UVRAG: variants seen among roughly 807,000 people sequenced by gnomAD.
UVRAG encodes the protein UV radiation resistance-associated gene protein.
In UVRAG, 19 loss-of-function variants were observed where a neutral mutation model predicts 78.0. The observed-to-expected ratio is 0.24, with a 90% CI of 0.17 to 0.36. The LOEUF (loss-of-function observed/expected upper bound fraction) is 0.36. Among genes scored for constraint, UVRAG ranks in the 10% least tolerant of loss-of-function variants. The probability of loss-of-function intolerance (pLI) is 1.00; values close to 1 mark genes in which losing one functional copy is unlikely to be tolerated. For missense variants in UVRAG, 740 were observed against 853.8 expected, an observed-to-expected ratio of 0.87 and a Z score of 1.66; for synonymous variants, 323 against 324.6, an observed-to-expected ratio of 1.00 and a Z score of 0.05.
At chr11:75,957,154 G>A (rs7114160) in intron 6 of UVRAG, among the ~76,000 whole-genome samples, 18,574 of 151,878 alleles carry the variant, frequency 0.12, 2,419 homozygotes, top group African/African-American at 0.33. Context: ...CAAGTTTGCA[G>A]GAGATAGTCC....
intron 13 of UVRAG, 151 bp from the exon 14 acceptor site, chr11:76,115,773 A>G: frequency 4.6e-6 from 3 of 652,278 alleles, no homozygotes. Flanking sequence ...TCAAATACCC[A>G]GTAAGTGGAA....
intron 1 of UVRAG, chr11:75,837,596 T>G (rs994638940): frequency 6.6e-6 from 1 of 152,174 alleles, no homozygotes; most frequent in Non-Finnish European, 1.5e-5. Flanking sequence ...AAGAAATCTC[T>G]AACTGGTTCT....
chr11:76,068,305 C>T (rs1261304088), intron 13 of UVRAG, among the ~76,000 whole-genome samples: 1 of 152,148 alleles, frequency 6.6e-6, no homozygotes, highest in East Asian at 1.9e-4. Flanking sequence ...CCCAAGAGGC[C>T]TCTGACTTTA....
chr11:75,988,877 G>A (rs1018082405), intron 8 of UVRAG, among the ~76,000 whole-genome samples: 1 of 152,238 alleles, frequency 6.6e-6, no homozygotes. Context: ...TGAAATGTCT[G>A]TTTAGATCTT....
Position 75,839,850 on chromosome 11 carries a change from C to T in UVRAG, c.118-12033C>T, listed in dbSNP as rs186871493. ...GTATATATATATATACACACCCCCA[C>T]ACATATATATATAGAGAGAGAGAGA... On this transcript the variant is annotated intron_variant, in intron 1 of 14. Transcript: ENST00000356136. Among the ~76,000 whole-genome samples the T allele has an allele frequency of 5.1e-5, 7 of 136,666 alleles. No individual in the cohort carries two copies. In the East Asian group the frequency reaches 1.1e-3, roughly 21 times the overall value. 89.7% of individuals were successfully genotyped at this position (136,666 alleles called of 152,430 possible). A position where few individuals can be genotyped will look rare whatever the true frequency, so the allele number is the denominator to read the frequency against.
chr11:76,043,092 G>GCTTT (rs1258490355), intron 12 of UVRAG, among the ~76,000 whole-genome samples: 1 of 152,192 alleles, frequency 6.6e-6, no homozygotes, highest in African/African-American at 2.4e-5. Flanking sequence ...GGTAAACAAA[G>GCTTT]AAGGCTCACT....
At chr11:76,003,649 C>G (rs1949866009) in intron 8 of UVRAG, among the ~76,000 whole-genome samples, 1 of 151,980 alleles carries the variant, frequency 6.6e-6, no homozygotes, top group Non-Finnish European at 1.5e-5. Context: ...TAATGTTATT[C>G]CGTAGCATTT....
At chr11:75,822,656 A>C (rs1405381732) in intron 1 of UVRAG, among the ~76,000 whole-genome samples, 2 of 146,302 alleles carry the variant, frequency 1.4e-5, no homozygotes, top group Non-Finnish European at 3.0e-5. Flanking sequence ...CCTTGCTTGC[A>C]CTTACTGTTT....
intron 12 of UVRAG, among the ~76,000 whole-genome samples, chr11:76,032,839 G>A (rs555103427): frequency 1.3e-5 from 2 of 152,274 alleles, no homozygotes; most frequent in East Asian, 3.9e-4. Context: ...TTCTCACCTT[G>A]CCTCATAAGT....
rs1438880866 is a variant in UVRAG at position 76,142,358 on chromosome 11, AT to A, written c.*946del. 6.6e-5 allele frequency: 10 copies of A among 152,448 alleles called. No individual in the cohort carries two copies. The East Asian group carries it at 1.9e-3, about 29-fold the overall frequency. 9.4% of individuals were successfully genotyped at this position (152,448 alleles called of 1,614,324 possible). On this transcript the variant is annotated 3_prime_UTR_variant, in exon 15 of 15. Coordinates refer to ENST00000356136, the MANE Select transcript of UVRAG (RefSeq NM_003369.4). ...TTTCAGTCAGAAGGTCAGCATTTAC[AT>A]GACAGAATGTATGTAGAGAGTTGGG... is the stretch of plus-strand genomic sequence containing the variant.
At chr11:75,863,041 C>T (rs2134790408) in intron 3 of UVRAG, among the ~76,000 whole-genome samples, 1 of 152,334 alleles carries the variant, frequency 6.6e-6, no homozygotes, top group East Asian at 1.9e-4. Flanking sequence ...ACAACTTTTG[C>T]AGAGTCAGAG....
At chr11:75,892,535 A>G (rs1182349432) in intron 5 of UVRAG, 1 of 446,736 alleles carries the variant, frequency 2.2e-6, no homozygotes, top group Non-Finnish European at 3.0e-6. Flanking sequence ...GGCACAGAGA[A>G]CTTAAGTAAC....
chr11:75,896,576 C>T (rs1947348884), intron 5 of UVRAG, among the ~76,000 whole-genome samples: 4 of 152,154 alleles, frequency 2.6e-5, no homozygotes, highest in South Asian at 2.1e-4. Flanking sequence ...GGCTCTAAAT[C>T]CTATGATAAG....
Position 76,141,646 on chromosome 11 carries a change from A to G in UVRAG, c.*233A>G. 1.8e-6 allele frequency: 1 copy of G among 543,608 alleles called. No individual in the cohort carries two copies. The highest frequency in any genetic ancestry group is 3.2e-6 in the Non-Finnish European group (1 of 308,928). The allele number at this position is 543,608 out of a possible 1,614,324, so 33.7% of individuals were successfully genotyped here. On this transcript the variant is annotated 3_prime_UTR_variant, in exon 15 of 15. Transcript: ENST00000356136. ...CGGGCCTGATGATTTTAAAGCAAAA[A>G]TCACCCTCTAGTTGAAAGAGCTTAC...
intron 13 of UVRAG, among the ~76,000 whole-genome samples, chr11:76,071,562 T>C (rs1685940163): frequency 6.6e-6 from 1 of 152,178 alleles, no homozygotes; most frequent in African/African-American, 2.4e-5. Flanking sequence ...CCAACGATCA[T>C]TCTAGCTACT....
intron 12 of UVRAG, among the ~76,000 whole-genome samples, chr11:76,035,724 T>TA (rs1950520804): frequency 6.6e-6 from 1 of 152,188 alleles, no homozygotes; most frequent in Non-Finnish European, 1.5e-5. Flanking sequence ...ATGGACAGTT[T>TA]AAAGTAAATT....
At chr11:76,091,908 A>G (rs1428924489) in intron 13 of UVRAG, among the ~76,000 whole-genome samples, 1 of 152,052 alleles carries the variant, frequency 6.6e-6, no homozygotes, top group Admixed American at 6.6e-5. Flanking sequence ...ATATGTATAC[A>G]TGTGCCTTGT....
chr11:75,869,663 G>A (rs910814695), intron 3 of UVRAG, among the ~76,000 whole-genome samples: 5 of 152,230 alleles, frequency 3.3e-5, no homozygotes, highest in African/African-American at 1.2e-4. Context: ...ATTTATGTTA[G>A]TTTGGAGGGA....
chr11:75,945,029 C>T (rs891568890), intron 6 of UVRAG, among the ~76,000 whole-genome samples: 1 of 152,058 alleles, frequency 6.6e-6, no homozygotes, highest in African/African-American at 2.4e-5. Context: ...TCAGTCTTTT[C>T]TGGTTTACAA....
Sources: gnomAD v4.1 joint callset for allele counts (sites outside exome capture counted in the v4.1 genomes callset) on GRCh38, gnomAD v4.1.1 for gene constraint, MANE v1.5 for transcripts, NCBI Gene and HGNC (gene_info 2026-07-23, HGNC 2026-07-21) for gene names.